The following ABCB11 variants were observed in gnomAD, a reference collection of about 807,000 sequenced individuals.
ABCB11 encodes the protein bile salt export pump.
ABCB11 carries 95 observed loss-of-function variants against 148.0 expected under a neutral mutation model. The observed-to-expected ratio is 0.64, with a 90% CI of 0.54 to 0.76. The LOEUF (loss-of-function observed/expected upper bound fraction) is 0.76. ABCB11 is among the 30% of genes least tolerant of loss of function. The pLI, the probability that ABCB11 is intolerant of heterozygous loss-of-function variation, is 0.00. For missense variants in ABCB11, 1,523 were observed against 1,617.8 expected (o/e 0.94, Z 1.01); for synonymous variants, 591 against 555.4 (o/e 1.06, Z -0.90).
chr2:168,982,372 G>C (rs1418435053), intron 10 of ABCB11, among the ~76,000 whole-genome samples: 1 of 152,152 alleles, frequency 6.6e-6, no homozygotes. Context: ...ATTACATGCA[G>C]TAATTTTATT....
chr2:168,947,240 C>T (rs190376594), intron 19 of ABCB11, among the ~76,000 whole-genome samples: 1 of 151,826 alleles, frequency 6.6e-6, no homozygotes, highest in Admixed American at 6.6e-5. Flanking sequence ...TTTCTTGCTC[C>T]TTATACAGAT....
intron 18 of ABCB11, among the ~76,000 whole-genome samples, chr2:168,963,304 C>T (rs1189351897): frequency 1.3e-5 from 2 of 151,704 alleles, no homozygotes; most frequent in African/African-American, 4.8e-5. Flanking sequence ...TTGATTCAAA[C>T]ACAAATAAGG....
intron 15 of ABCB11, among the ~76,000 whole-genome samples, chr2:168,969,802 G>A (rs1255524092): frequency 1.3e-5 from 2 of 152,004 alleles, no homozygotes; most frequent in Admixed American, 1.3e-4. Context: ...AATATCATAA[G>A]CTAGTCTTAA....
At chr2:169,016,885 A>C in intron 2 of ABCB11, 86 bp from the exon 3 acceptor site, 1 of 989,640 alleles carries the variant, frequency 1.0e-6, no homozygotes, top group Non-Finnish European at 1.5e-6. Context: ...GCTCTAGAAA[A>C]ATATTCCTAT....
chr2:168,942,574 A>C (rs1216399885), intron 21 of ABCB11, among the ~76,000 whole-genome samples: 4 of 151,884 alleles, frequency 2.6e-5, no homozygotes, highest in Non-Finnish European at 5.9e-5. Context: ...ACTATAATAA[A>C]TAATTTAATT....
At chr2:168,997,102 C>G (rs1047697276) in intron 5 of ABCB11, among the ~76,000 whole-genome samples, 1 of 151,944 alleles carries the variant, frequency 6.6e-6, no homozygotes, top group Non-Finnish European at 1.5e-5. Context: ...ACTCATCATG[C>G]AGTGATAGAG....
intron 19 of ABCB11, among the ~76,000 whole-genome samples, chr2:168,956,216 A>G (rs554803072): frequency 6.6e-6 from 1 of 151,560 alleles, no homozygotes; most frequent in South Asian, 2.1e-4. Context: ...CACTATCACA[A>G]GAATAGCAAG....
downstream of ABCB11, among the ~76,000 whole-genome samples, chr2:168,915,493 A>C (rs1000929764): frequency 3.3e-5 from 5 of 152,240 alleles, no homozygotes; most frequent in Non-Finnish European, 7.3e-5. Flanking sequence ...CAACAAACAC[A>C]ATTACAAAAA....
At chr2:168,990,383 T>G (rs1190325550) in intron 9 of ABCB11, among the ~76,000 whole-genome samples, 1 of 152,124 alleles carries the variant, frequency 6.6e-6, no homozygotes, top group Non-Finnish European at 1.5e-5. Context: ...TTCTAGGTCA[T>G]CCAATTTGTT....
intron 1 of ABCB11, among the ~76,000 whole-genome samples, chr2:169,026,541 C>A (rs781115684): frequency 6.6e-6 from 1 of 152,042 alleles, no homozygotes; most frequent in African/African-American, 2.4e-5. Flanking sequence ...ACTGAAAAAC[C>A]GAAATTTCTA....
intron 18 of ABCB11, among the ~76,000 whole-genome samples, chr2:168,959,562 A>G (rs569401867): frequency 6.6e-6 from 1 of 151,772 alleles, no homozygotes; most frequent in South Asian, 2.1e-4. Flanking sequence ...TGAGTCTCCC[A>G]TGTTTATGCA....
chr2:168,969,226 A>G, intron 16 of ABCB11, 124 bp downstream of exon 16: 2 of 856,746 alleles, frequency 2.3e-6, no homozygotes, highest in Non-Finnish European at 1.8e-6. Context: ...TTCCTTTACC[A>G]TCTATATAAC....
intron 5 of ABCB11, among the ~76,000 whole-genome samples, chr2:168,998,299 C>G (rs916621540): frequency 1.2e-4 from 18 of 151,874 alleles, no homozygotes; most frequent in African/African-American, 3.9e-4. Context: ...CTGGGAAGAG[C>G]AGTGGAGGGG....
intron 17 of ABCB11, among the ~76,000 whole-genome samples, 180 bp downstream of exon 17, chr2:168,968,247 T>C (rs772813349): frequency 2.0e-5 from 3 of 151,466 alleles, no homozygotes; most frequent in African/African-American, 7.3e-5. Flanking sequence ...AACCCATGAA[T>C]TGGGGAGAGA....
At chr2:168,977,743 A>C (rs982750857) in intron 11 of ABCB11, among the ~76,000 whole-genome samples, 3 of 152,180 alleles carry the variant, frequency 2.0e-5, no homozygotes, top group Non-Finnish European at 4.4e-5. Context: ...GGGGAAGCAA[A>C]GCATGTCTTA....
chr2:168,926,135 T>C (rs1691296994), intron 26 of ABCB11, among the ~76,000 whole-genome samples: 1 of 152,038 alleles, frequency 6.6e-6, no homozygotes, highest in African/African-American at 2.4e-5. Flanking sequence ...GTAGAGAAGG[T>C]TAAAGGTAAA....
chr2:168,970,599 A>G (rs1693542656), intron 14 of ABCB11: 1 of 328,404 alleles, frequency 3.0e-6, no homozygotes, highest in Admixed American at 4.3e-5. Flanking sequence ...TATAATGCAA[A>G]GGCTGTTTTT....
intron 21 of ABCB11, among the ~76,000 whole-genome samples, chr2:168,940,442 C>A (rs1353836334): frequency 6.6e-6 from 1 of 152,024 alleles, no homozygotes; most frequent in African/African-American, 2.4e-5. Flanking sequence ...TGCCTTAAGC[C>A]AAACCTAATT....
intron 2 of ABCB11, among the ~76,000 whole-genome samples, chr2:169,017,034 G>A (rs1030654075): frequency 2.2e-5 from 3 of 136,588 alleles, no homozygotes; most frequent in Non-Finnish European, 4.7e-5. Flanking sequence ...GAAGACACTC[G>A]TTTAGGGTCC....
Sources: allele counts gnomAD v4.1 joint callset (sites outside exome capture counted in the v4.1 genomes callset), GRCh38; gene constraint gnomAD v4.1.1; transcripts MANE v1.5; gene names NCBI Gene and HGNC (gene_info 2026-07-23, HGNC 2026-07-21).